The following DPY19L4 variants were observed in gnomAD, a reference collection of about 807,000 sequenced individuals.
The protein encoded by DPY19L4 is dpy-19 like 4, also known as probable C-mannosyltransferase DPY19L4.
Under a neutral mutation model 102.8 loss-of-function variants are expected in DPY19L4, and 97 were observed. The observed-to-expected ratio is 0.94, with a 90% CI of 0.80 to 1.12. The LOEUF is 1.12. Among genes scored for constraint, DPY19L4 ranks in the 50% most tolerant of loss-of-function variants. The pLI, the probability that DPY19L4 is intolerant of heterozygous loss-of-function variation, is 0.00. For synonymous variants in DPY19L4, 252 were observed against 283.1 expected, an observed-to-expected ratio of 0.89 and a Z score of 1.10; for missense variants, 815 against 850.4, an observed-to-expected ratio of 0.96 and a Z score of 0.52.
chr8:94,742,175 G>A (rs1020060533), intron 6 of DPY19L4, among the ~76,000 whole-genome samples: 19 of 152,038 alleles, frequency 1.2e-4, no homozygotes, highest in Non-Finnish European at 2.1e-4. Context: ...TGGCTAACAC[G>A]GTGAAACGCC....
chr8:94,772,605 C>T (rs1812983912), intron 13 of DPY19L4, among the ~76,000 whole-genome samples: 1 of 152,326 alleles, frequency 6.6e-6, no homozygotes, highest in East Asian at 1.9e-4. Flanking sequence ...CAGGGAAGCT[C>T]ACCCATGCTT....
At chr8:94,720,257 T>TC in intron 1 of DPY19L4, 2 of 985,082 alleles carry the variant, frequency 2.0e-6, no homozygotes, top group Non-Finnish European at 2.4e-6. Flanking sequence ...AAGTTGGGAA[T>TC]CCGTAGCAAG....
At position 94,781,172 on chromosome 8, in the gene DPY19L4, G is replaced by A; in HGVS notation, c.1715+6G>A. The A allele has an allele frequency of 1.3e-6, 2 of 1,582,370 alleles. No homozygotes were observed. The highest frequency in any genetic ancestry group is 1.7e-6 in the Non-Finnish European group (2 of 1,168,452). ...GAACTTATGACCTGGATAAAGTAAG[G>A]ATTGAAGTGCCCAAGACTATTATTA... On this transcript the variant is annotated splice_donor_region_variant and intron_variant, in intron 16 of 18. Coordinates refer to ENST00000414645, the MANE Select transcript of DPY19L4 (RefSeq NM_181787.3).
At chr8:94,755,928 C>A in intron 6 of DPY19L4, 108 bp from the exon 7 acceptor site, 1 of 1,187,380 alleles carries the variant, frequency 8.4e-7, no homozygotes, top group Non-Finnish European at 1.2e-6. Flanking sequence ...GCCTACCTCA[C>A]AGGATTGTTA....
At chr8:94,764,728 T>TTTTC (rs1812587006) in intron 8 of DPY19L4, among the ~76,000 whole-genome samples, 2 of 97,622 alleles carry the variant, frequency 2.0e-5, no homozygotes, top group African/African-American at 9.2e-5. Flanking sequence ...TTTTTTTTTT[T>TTTTC]TTTTTTTTTT....
rs1433239736 is a variant in DPY19L4 at position 94,737,049 on chromosome 8, G to T, written c.253-1320G>T. 2.0e-5 allele frequency among the ~76,000 whole-genome samples: 3 copies of T among 152,190 alleles called. No individual in the cohort carries two copies. The South Asian group carries it at 6.2e-4, about 32-fold the overall frequency. On this transcript the variant is annotated intron_variant, in intron 3 of 18. Coordinates refer to ENST00000414645, the MANE Select transcript of DPY19L4 (RefSeq NM_181787.3). The stretch of plus-strand genomic sequence containing the variant: ...AAAATTATTGCCAGATTACTAAAAA[G>T]TTAAGTTCCTCATTAATGGGGCCAC...
intron 7 of DPY19L4, 33 bp from the exon 8 acceptor site, chr8:94,761,667 T>A: frequency 1.9e-6 from 3 of 1,548,570 alleles, no homozygotes; most frequent in Non-Finnish European, 2.6e-6. Context: ...ATAAAGTTAT[T>A]GATATTTAGT....
intron 3 of DPY19L4, among the ~76,000 whole-genome samples, chr8:94,737,021 A>G (rs575433295): frequency 6.6e-6 from 1 of 152,314 alleles, no homozygotes; most frequent in East Asian, 1.9e-4. Context: ...TTAATGTTTC[A>G]TTAAAATTAT....
Position 94,783,771 on chromosome 8 carries a change from A to G in DPY19L4, c.1817A>G (p.Asn606Ser). The G allele has an allele frequency of 6.2e-7, 1 of 1,614,094 alleles. No individual in the cohort carries two copies. Among genetic ancestry groups the G allele is most frequent in the South Asian group, 1.1e-5 (1 of 91,074 alleles). The change falls in exon 17 of 19, where the codon AAT (asparagine) becomes AGT (serine). Residue 606 changes from asparagine (N) to serine (S), a missense_variant. Transcript: ENST00000414645. ...ATGGTGACAAGTTTGCCTCTTTACA[A>G]TGATGATGATCTTCTCAAGAGAAAT... ...GWMVTSLPLY[N>S]DDDLLKRNEN... is the part of the protein sequence containing the mutation.
intron 1 of DPY19L4, among the ~76,000 whole-genome samples, chr8:94,722,264 G>A (rs777960095): frequency 1.3e-5 from 2 of 151,890 alleles, no homozygotes; most frequent in Non-Finnish European, 2.9e-5. Context: ...AAAGTTAGCC[G>A]GGCATGGTGG....
Position 94,789,986 on chromosome 8 carries a change from C to T in DPY19L4, c.*76C>T. On this transcript the variant is annotated 3_prime_UTR_variant, in exon 19 of 19. Coordinates refer to ENST00000414645, the MANE Select transcript of DPY19L4 (RefSeq NM_181787.3). The stretch of plus-strand genomic sequence containing the variant: ...TCTTCTACCTACTCGGTGTCTTTTG[C>T]AGATCAGAGTATGGACATTTGAAAT... 7.1e-7 allele frequency: 1 copy of T among 1,409,840 alleles called. No individual in the cohort carries two copies. Among genetic ancestry groups the T allele is most frequent in the Non-Finnish European group, 9.8e-7 (1 of 1,025,530 alleles). 87.3% of individuals were successfully genotyped at this position (1,409,840 alleles called of 1,614,324 possible). A position where few individuals can be genotyped will look rare whatever the true frequency, so the allele number is the denominator to read the frequency against.
chr8:94,724,953 A>G (rs1370062700), intron 1 of DPY19L4, among the ~76,000 whole-genome samples: 2 of 152,236 alleles, frequency 1.3e-5, no homozygotes, highest in African/African-American at 2.4e-5. Context: ...AATAAATGGT[A>G]GTATAGAAAT....
At chr8:94,753,056 T>A (rs1812018244) in intron 6 of DPY19L4, among the ~76,000 whole-genome samples, 1 of 152,060 alleles carries the variant, frequency 6.6e-6, no homozygotes, top group Non-Finnish European at 1.5e-5. Context: ...GCAACTTGAT[T>A]CCTTGTGTTT....
intron 6 of DPY19L4, among the ~76,000 whole-genome samples, chr8:94,743,216 TG>T (rs569494655): frequency 3.5e-4 from 53 of 150,894 alleles, no homozygotes; most frequent in Admixed American, 1.3e-3. Context: ...TTAATAGAGG[TG>T]GGGGTTTTGC....
chr8:94,730,066 TA>T (rs1810878861), intron 2 of DPY19L4, among the ~76,000 whole-genome samples: 1 of 152,088 alleles, frequency 6.6e-6, no homozygotes. Context: ...TCTATGTACT[TA>T]TAGTTTTTTT....
At chr8:94,726,576 C>G in intron 2 of DPY19L4, 135 bp downstream of exon 2, 3 of 634,452 alleles carry the variant, frequency 4.7e-6, no homozygotes, top group Non-Finnish European at 7.7e-6. Flanking sequence ...TTTGGACAAC[C>G]CCCAAATCTC....
chr8:94,756,110 T>C lies in DPY19L4; in HGVS notation c.686T>C (p.Ile229Thr), dbSNP rs1407786756. 1.2e-6 allele frequency: 2 copies of C among 1,613,886 alleles called. No homozygotes were observed. The highest frequency in any genetic ancestry group is 1.3e-5 in the African/African-American group (1 of 75,046). ...GCACTACCATATTTTGCATGCCAAATTGCTGCACTTACAGGCTATTTAAAA... is the reference window on the plus strand; with the variant it reads ...GCACTACCATATTTTGCATGCCAAACTGCTGCACTTACAGGCTATTTAAAA... ...NWALPYFACQ[I>T]AALTGYLKSN... The change falls in exon 7 of 19, where the codon ATT (isoleucine) becomes ACT (threonine). Residue 229 changes from isoleucine (I) to threonine (T), a missense_variant. By Grantham distance (89) the Ile-to-Thr change is moderately conservative. Coordinates refer to ENST00000414645, the MANE Select transcript of DPY19L4 (RefSeq NM_181787.3).
At position 94,773,846 on chromosome 8, in the gene DPY19L4, G is replaced by A. The variant is rs1454972595; in HGVS notation, c.1454+3275G>A. Reference sequence around the variant, plus strand: ...GCCCAAGAGTTTGAAACCAACTTGGGCAACATGGCAAGACCCCATCTCTAC... The same window carrying A: ...GCCCAAGAGTTTGAAACCAACTTGGACAACATGGCAAGACCCCATCTCTAC... On this transcript the variant is annotated intron_variant, in intron 13 of 18. Coordinates refer to ENST00000414645, the MANE Select transcript of DPY19L4 (RefSeq NM_181787.3). 5.2e-5 allele frequency among the ~76,000 whole-genome samples: 7 copies of A among 133,486 alleles called. No individual in the cohort carries two copies. In the South Asian group the frequency reaches 6.8e-4, roughly 13 times the overall value. The allele number at this position is 133,486 out of a possible 152,430, so 87.6% of individuals were successfully genotyped here.
intron 13 of DPY19L4, among the ~76,000 whole-genome samples, chr8:94,771,169 C>T (rs1330538129): frequency 6.6e-6 from 1 of 152,108 alleles, no homozygotes; most frequent in Non-Finnish European, 1.5e-5. Flanking sequence ...CCCACCTTGG[C>T]CTCCCAAAGT....
Sources: allele counts gnomAD v4.1 joint callset (sites outside exome capture counted in the v4.1 genomes callset), GRCh38; gene constraint gnomAD v4.1.1; transcripts MANE v1.5; gene names NCBI Gene and HGNC (gene_info 2026-07-23, HGNC 2026-07-21).